JCAD: variants seen among roughly 807,000 people sequenced by gnomAD.
JCAD encodes the protein junctional cadherin 5-associated protein.
JCAD carries 40 observed loss-of-function variants against 98.0 expected under a neutral mutation model. That is an observed-to-expected ratio of 0.41 (90% CI 0.32 to 0.53). JCAD has a LOEUF of 0.53. Among genes scored for constraint, JCAD ranks in the 20% least tolerant of loss-of-function variants. The pLI, the probability that JCAD is intolerant of heterozygous loss-of-function variation, is 0.31. For missense variants in JCAD, 1,705 were observed against 1,738.1 expected (o/e 0.98, Z 0.34); for synonymous variants, 691 against 682.3 (o/e 1.01, Z -0.20).
At chr10:30,101,055 G>A (rs1002423764) in intron 1 of JCAD, among the ~76,000 whole-genome samples, 3 of 152,164 alleles carry the variant, frequency 2.0e-5, no homozygotes, top group African/African-American at 7.2e-5. Context: ...TCATGCAGAG[G>A]AAGCCTTCAG....
intron 1 of JCAD, among the ~76,000 whole-genome samples, chr10:30,098,598 A>G (rs937496050): frequency 1.3e-5 from 2 of 152,238 alleles, no homozygotes; most frequent in Non-Finnish European, 2.9e-5. Context: ...GATTGTGCTC[A>G]ATAAATGCAA....
At position 30,106,160 on chromosome 10, in the gene JCAD, C is replaced by T. The variant is rs1588658735; in HGVS notation, n.128+9207G>A. On this transcript the variant is annotated intron_variant and non_coding_transcript_variant, in intron 1 of 2. Transcript: ENST00000465712. ...GATGCAGGCTGGGGGCATTGGCTCA[C>T]ACCTGTAATCCCAGCACTTTGGGAT... Among the ~76,000 whole-genome samples the T allele has an allele frequency of 2.6e-5, 4 of 152,238 alleles. No individual in the cohort carries two copies. The South Asian group carries it at 8.3e-4, about 32-fold the overall frequency.
At position 30,026,405 on chromosome 10, in the gene JCAD, G is replaced by A; in HGVS notation, c.3743C>T (p.Ala1248Val). The A allele has an allele frequency of 6.2e-7, 1 of 1,614,210 alleles. No homozygotes were observed. The highest frequency in any genetic ancestry group is 8.5e-7 in the Non-Finnish European group (1 of 1,180,042). Residue 1248 changes from alanine (A) to valine (V), a missense_variant, in exon 3 of 4, where the codon GCC (alanine) becomes GTC (valine). Ala to Val is a moderately conservative substitution (Grantham distance 64). Around this residue, in one of 3 missense-constraint regions of JCAD, gnomAD observed 1,278 missense variants for 1,243.1 expected, o/e 1.03. Coordinates refer to ENST00000375377, the MANE Select transcript of JCAD (RefSeq NM_020848.4). Reference sequence around the variant, plus strand: ...AGGGTCTGCTCTCCTAGGCGGGGAGGCCAGTTTCTCTTGTAAACTTTCAAT... The same window carrying A: ...AGGGTCTGCTCTCCTAGGCGGGGAGACCAGTTTCTCTTGTAAACTTTCAAT... ...KVIESLQEKL[A>V]SPPRRADPDR... is the part of the protein sequence containing the mutation.
At chr10:30,093,753 A>G (rs890921691) in intron 1 of JCAD, among the ~76,000 whole-genome samples, 1 of 152,236 alleles carries the variant, frequency 6.6e-6, no homozygotes, top group Non-Finnish European at 1.5e-5. Flanking sequence ...GTATTTGCAG[A>G]TCCAAGTCCT....
upstream of JCAD, among the ~76,000 whole-genome samples, chr10:30,063,847 G>T (rs146291950): frequency 9.2e-5 from 14 of 151,366 alleles, no homozygotes; most frequent in African/African-American, 3.4e-4. Context: ...TTGCTCTGTT[G>T]CCCAGCCTGG....
chr10:30,027,575 C>CTGG lies in JCAD; in HGVS notation c.2572_2573insCCA (p.Ser857_Ser858insThr). On this transcript the variant is annotated inframe_insertion, in exon 3 of 4. Transcript: ENST00000375377. ...CGGCTCCGCCTCACTCTCCTCACTG[C>CTGG]TGCTGCTGCTGCTGCTGCTGCTACT... The CTGG allele has an allele frequency of 6.2e-7, 1 of 1,611,248 alleles. No individual in the cohort carries two copies. The highest frequency in any genetic ancestry group is 8.5e-7 in the Non-Finnish European group (1 of 1,178,218).
intron 2 of JCAD, among the ~76,000 whole-genome samples, chr10:30,030,373 C>G (rs771511768): frequency 1.6e-4 from 25 of 152,054 alleles, no homozygotes; most frequent in African/African-American, 1.7e-4. Context: ...CCCAGGAGTT[C>G]GAGGCTGCAG....
intron 1 of JCAD, among the ~76,000 whole-genome samples, chr10:30,087,866 G>C (rs561472933): frequency 6.6e-6 from 1 of 152,338 alleles, no homozygotes; most frequent in African/African-American, 2.4e-5. Flanking sequence ...TTGTTTGCCA[G>C]AGTCTCACTC....
chr10:30,088,575 A>G (rs1189763307), intron 1 of JCAD, among the ~76,000 whole-genome samples: 5 of 152,244 alleles, frequency 3.3e-5, no homozygotes, highest in Non-Finnish European at 7.3e-5. Context: ...CCGAAATACA[A>G]TAACCCAAAG....
intron 1 of JCAD, among the ~76,000 whole-genome samples, chr10:30,088,419 G>A (rs1838201725): frequency 6.6e-6 from 1 of 152,146 alleles, no homozygotes; most frequent in Non-Finnish European, 1.5e-5. Flanking sequence ...TCTCACTGCA[G>A]GCCTCCTGAT....
chr10:30,061,368 C>G (rs888812044), upstream of JCAD, among the ~76,000 whole-genome samples: 4 of 151,956 alleles, frequency 2.6e-5, no homozygotes, highest in Admixed American at 2.6e-4. Context: ...GATGGTGAAA[C>G]CCCATCTCTA....
At position 30,026,830 on chromosome 10, in the gene JCAD, C is replaced by T. The variant is rs781102962; in HGVS notation, c.3318G>A (p.Ala1106=). ...VESLLPGIRR[A]GQNQPAEPDA... is the part of the protein sequence containing the mutation. ...CGGGCTCAGCAGGCTGGTTCTGTCC[C>T]GCTCTCCGGATGCCCGGCAGGAGGG... Residue 1106 remains alanine (A), a synonymous_variant, in exon 3 of 4, where the codon GCG becomes GCA. Transcript: ENST00000375377. 8.1e-6 allele frequency: 13 copies of T among 1,613,906 alleles called. No homozygotes were observed. Among genetic ancestry groups the T allele is most frequent in the African/African-American group, 2.7e-5 (2 of 74,942 alleles).
intron 1 of JCAD, among the ~76,000 whole-genome samples, chr10:30,078,051 T>G (rs1260015704): frequency 1.3e-5 from 2 of 152,240 alleles, no homozygotes; most frequent in African/African-American, 2.4e-5. Context: ...GGGTTCCAAT[T>G]TCTCCATATC....
intron 1 of JCAD, among the ~76,000 whole-genome samples, chr10:30,105,108 C>G (rs1352103006): frequency 6.6e-6 from 1 of 152,164 alleles, no homozygotes; most frequent in African/African-American, 2.4e-5. Flanking sequence ...ACTTTTATTC[C>G]TAAATGCACC....
Position 30,015,197 on chromosome 10 carries a change from T to G in JCAD, c.*2686A>C, listed in dbSNP as rs977854816. On this transcript the variant is annotated 3_prime_UTR_variant, in exon 4 of 4. Transcript: ENST00000375377. The stretch of plus-strand genomic sequence containing the variant: ...CCCAAATGGTCAAAATTACAACTTT[T>G]AATTTTATGAGCTCCAAATTATTAA... 2.0e-5 allele frequency: 3 copies of G among 152,252 alleles called. No individual in the cohort carries two copies. The highest frequency in any genetic ancestry group is 4.4e-5 in the Non-Finnish European group (3 of 68,042). The allele number at this position is 152,252 out of a possible 1,614,324, so 9.4% of individuals were successfully genotyped here.
intron 1 of JCAD, among the ~76,000 whole-genome samples, chr10:30,083,500 G>A (rs184358269): frequency 2.5e-4 from 38 of 152,222 alleles, no homozygotes; most frequent in African/African-American, 8.7e-4. Flanking sequence ...AGTTCTCAGG[G>A]CAAACAAATA....
intron 1 of JCAD, among the ~76,000 whole-genome samples, chr10:30,093,159 T>G (rs1177397852): frequency 2.6e-5 from 4 of 152,178 alleles, no homozygotes; most frequent in Non-Finnish European, 4.4e-5. Context: ...CAATGTGTTT[T>G]CTAACTTTGA....
At chr10:30,053,339 T>C (rs1345635519) in intron 1 of JCAD, among the ~76,000 whole-genome samples, 2 of 151,992 alleles carry the variant, frequency 1.3e-5, no homozygotes, top group Non-Finnish European at 2.9e-5. Flanking sequence ...GGCAGGCATA[T>C]CACTTGAGGT....
chr10:30,114,591 A>C (rs1041891976), intron 1 of JCAD, among the ~76,000 whole-genome samples: 10 of 151,924 alleles, frequency 6.6e-5, no homozygotes, highest in South Asian at 2.1e-4. Flanking sequence ...AAAAAAAAAA[A>C]AAAAAAAAAC....
Sources: gnomAD v4.1 joint callset for allele counts (sites outside exome capture counted in the v4.1 genomes callset) on GRCh38, gnomAD v4.1.1 for gene constraint, gnomAD v4.1.1 regional missense constraint, MANE v1.5 for transcripts, NCBI Gene and HGNC (gene_info 2026-07-23, HGNC 2026-07-21) for gene names.